The following GSG1L2 variants were observed in gnomAD, a reference collection of about 807,000 sequenced individuals.
The protein encoded by GSG1L2 is germ cell-specific gene 1-like protein 2.
Under a neutral mutation model 9.0 loss-of-function variants are expected in GSG1L2, and 15 were observed. That is an observed-to-expected ratio of 1.67 (90% CI 1.12 to 2.57). GSG1L2 has a LOEUF of 2.57. Among genes scored for constraint, GSG1L2 ranks in the 30% most tolerant of loss-of-function variants. The pLI, the probability that GSG1L2 is intolerant of heterozygous loss-of-function variation, is 0.00. For missense variants in GSG1L2, 286 were observed against 150.3 expected (o/e 1.90, Z -4.72); for synonymous variants, 127 against 57.9 (o/e 2.19, Z -5.41).
At chr17:9,819,626 C>CT (rs1203441703) in intron 1 of GSG1L2, among the ~76,000 whole-genome samples, 4 of 151,802 alleles carry the variant, frequency 2.6e-5, no homozygotes, top group South Asian at 2.1e-4. Flanking sequence ...TTGGTTAAAA[C>CT]TTTTTTTTGT....
chr17:9,805,927 C>T lies in GSG1L2; in HGVS notation c.623+1563G>A, dbSNP rs1343239959. On this transcript the variant is annotated intron_variant, in intron 4 of 4. Coordinates refer to ENST00000399363, the MANE Select transcript of GSG1L2 (RefSeq NM_001310219.2). ...AGAACATTTCTGATGTACACGTCAC[C>T]ATGGTAATGGCTGCTTGTTTTTCAG... 2.0e-5 allele frequency among the ~76,000 whole-genome samples: 3 copies of T among 152,160 alleles called. No homozygotes were observed. The East Asian group carries it at 5.8e-4, about 29-fold the overall frequency.
Position 9,808,572 on chromosome 17 carries a change from G to A in GSG1L2, c.511+258C>T, listed in dbSNP as rs563548262. On this transcript the variant is annotated intron_variant, in intron 3 of 4. Coordinates refer to ENST00000399363, the MANE Select transcript of GSG1L2 (RefSeq NM_001310219.2). The stretch of plus-strand genomic sequence containing the variant: ...GAAGTGATGTCAGCTGTCAGAGCCA[G>A]GGCACCCTCTTCCCTGGTTGTGACA... 5.3e-5 allele frequency among the ~76,000 whole-genome samples: 8 copies of A among 152,254 alleles called. No individual in the cohort carries two copies. The South Asian group carries it at 1.7e-3, about 32-fold the overall frequency.
At chr17:9,809,466 G>C (rs957058547) in intron 2 of GSG1L2, 9 of 157,380 alleles carry the variant, frequency 5.7e-5, no homozygotes, top group African/African-American at 1.4e-4. Context: ...AACCATAGAA[G>C]GGTACCTGAG....
intron 1 of GSG1L2, among the ~76,000 whole-genome samples, chr17:9,816,963 C>A (rs1283809492): frequency 1.0e-5 from 1 of 99,624 alleles, no homozygotes; most frequent in Non-Finnish European, 1.8e-5. Context: ...TGTGGGTTTG[C>A]AGAAGTGCCA....
At chr17:9,816,534 G>GTGTGTGTCTC (rs1283161173) in intron 1 of GSG1L2, among the ~76,000 whole-genome samples, 3 of 150,438 alleles carry the variant, frequency 2.0e-5, no homozygotes, top group East Asian at 3.9e-4. Flanking sequence ...GTGTCTCTGT[G>GTGTGTGTCTC]TGCACGTGCG....
intron 4 of GSG1L2, among the ~76,000 whole-genome samples, chr17:9,805,861 T>C (rs2066514404): frequency 6.6e-6 from 1 of 152,158 alleles, no homozygotes; most frequent in Non-Finnish European, 1.5e-5. Context: ...CGTCCCCATA[T>C]AGCTAAAAGC....
At chr17:9,809,163 A>G in intron 2 of GSG1L2, 181 bp from the exon 3 acceptor site, 2 of 591,184 alleles carry the variant, frequency 3.4e-6, no homozygotes, top group Non-Finnish European at 6.1e-6. Context: ...TCAGGGCTGA[A>G]AGAGACGGTT....
intron 1 of GSG1L2, among the ~76,000 whole-genome samples, chr17:9,817,197 T>C (rs1051772167): frequency 2.0e-5 from 3 of 152,188 alleles, no homozygotes; most frequent in Admixed American, 2.0e-4. Flanking sequence ...GCTCATGCCA[T>C]ATGCAGGTAG....
intron 1 of GSG1L2, among the ~76,000 whole-genome samples, chr17:9,813,452 T>C (rs1280561034): frequency 6.6e-6 from 1 of 152,246 alleles, no homozygotes; most frequent in Non-Finnish European, 1.5e-5. Flanking sequence ...ATCAGGGACC[T>C]GTCAGTCCAT....
intron 1 of GSG1L2, among the ~76,000 whole-genome samples, 182 bp downstream of exon 1, chr17:9,821,580 G>A (rs193085633): frequency 2.7e-4 from 41 of 152,282 alleles, no homozygotes; most frequent in Admixed American, 2.2e-3. Context: ...ACTTATTCAA[G>A]GATACCTAGA....
At chr17:9,805,726 A>G (rs2066513965) in intron 4 of GSG1L2, 1 of 152,338 alleles carries the variant, frequency 6.6e-6, no homozygotes, top group South Asian at 2.1e-4. Flanking sequence ...CTAGACTGCA[A>G]CGAGCCTGGA....
rs917819548 is a variant in GSG1L2 at position 9,801,070 on chromosome 17, G to C, written c.*1316C>G. On this transcript the variant is annotated 3_prime_UTR_variant, in exon 5 of 5. Transcript: ENST00000399363. Reference sequence around the variant, plus strand: ...TTTTTATGACAGTATAAGTGTTACAGTTCAGCATAAACAGATTTTTATTGG... The same window carrying C: ...TTTTTATGACAGTATAAGTGTTACACTTCAGCATAAACAGATTTTTATTGG... Among the ~76,000 whole-genome samples the C allele has an allele frequency of 6.6e-6, 1 of 152,020 alleles. No individual in the cohort carries two copies. Among genetic ancestry groups the C allele is most frequent in the Non-Finnish European group, 1.5e-5 (1 of 68,014 alleles).
At chr17:9,816,818 CTGTG>C (rs1248639540) in intron 1 of GSG1L2, among the ~76,000 whole-genome samples, 1 of 145,984 alleles carries the variant, frequency 6.9e-6, no homozygotes, top group Non-Finnish European at 1.5e-5. Flanking sequence ...TCTGTTGTAT[CTGTG>C]TGTGTCTGTG....
rs1412992803 is a variant in GSG1L2 at position 9,807,515 on chromosome 17, T to C, written c.598A>G (p.Thr200Ala). ...CAATATGACCAGCCATAGTCCCAGG[T>C]CTGAGGCTTCCAATCTTCTGGTCCA... ...NLGPEDWKPQ[T>A]WDYGWSYCLA... The change falls in exon 4 of 5, where the codon ACC becomes GCC. Residue 200 changes from threonine (T) to alanine (A), a missense_variant. Thr to Ala is a moderately conservative substitution (Grantham distance 58). Transcript: ENST00000399363. The C allele has an allele frequency of 4.3e-6, 3 of 702,880 alleles. No individual in the cohort carries two copies. In the African/African-American group the frequency reaches 5.2e-5, roughly 12 times the overall value. 43.5% of individuals were successfully genotyped at this position (702,880 alleles called of 1,614,324 possible).
intron 1 of GSG1L2, among the ~76,000 whole-genome samples, chr17:9,814,467 A>G (rs2066551752): frequency 6.6e-6 from 1 of 152,092 alleles, no homozygotes; most frequent in African/African-American, 2.4e-5. Flanking sequence ...CCCACCAGGA[A>G]TAGAGACGAG....
Position 9,816,522 on chromosome 17 carries a change from C to CTGTGTGTTTGTG in GSG1L2, c.310+5239_310+5240insCACAAACACACA, listed in dbSNP as rs1491196761. 4.6e-4 allele frequency among the ~76,000 whole-genome samples: 65 copies of CTGTGTGTTTGTG among 140,774 alleles called. 1 individual carries two copies. Among genetic ancestry groups the CTGTGTGTTTGTG allele is most frequent in the South Asian group, 1.6e-3 (7 of 4,342 alleles). The allele number at this position is 140,774 out of a possible 152,430, so 92.4% of individuals were successfully genotyped here. A position where few individuals can be genotyped will look rare whatever the true frequency, so the allele number is the denominator to read the frequency against. ...TGTGTGCCTGTCTGTGTGTGCGTGTCTGTGTCTCTGTGTGCACGTGCGTGT... is the reference window on the plus strand; with the variant it reads ...TGTGTGCCTGTCTGTGTGTGCGTGTCTGTGTGTTTGTGTGTGTCTCTGTGTGCACGTGCGTGT... On this transcript the variant is annotated intron_variant, in intron 1 of 4. Coordinates refer to ENST00000399363, the MANE Select transcript of GSG1L2 (RefSeq NM_001310219.2).
intron 4 of GSG1L2, among the ~76,000 whole-genome samples, chr17:9,803,246 G>A (rs2066504388): frequency 6.6e-6 from 1 of 152,038 alleles, no homozygotes; most frequent in Non-Finnish European, 1.5e-5. Flanking sequence ...GGGACCACAG[G>A]CATGCGCCAC....
rs570178139 is a variant in GSG1L2, at chr17:9,816,828, CTGTG to C, written c.310+4930_310+4933del. Among the ~76,000 whole-genome samples the C allele has an allele frequency of 5.6e-3, 763 of 136,500 alleles. 9 individuals are homozygous for C. Among genetic ancestry groups the C allele is most frequent in the African/African-American group, 0.022 (688 of 31,960 alleles). 89.5% of individuals were successfully genotyped at this position (136,500 alleles called of 152,430 possible). On this transcript the variant is annotated intron_variant, in intron 1 of 4. Coordinates refer to ENST00000399363, the MANE Select transcript of GSG1L2 (RefSeq NM_001310219.2). ...GTGTGTCTGTTGTATCTGTGTGTGT[CTGTG>C]TATCTGTGTGTGTTTCTGTGTATCT...
intron 2 of GSG1L2, chr17:9,809,371 G>A (rs2066529823): frequency 7.2e-6 from 2 of 277,464 alleles, no homozygotes; most frequent in Non-Finnish European, 1.4e-5. Flanking sequence ...TTCGCAGTGA[G>A]TGTTACAGCT....
Sources: allele counts gnomAD v4.1 joint callset (sites outside exome capture counted in the v4.1 genomes callset), GRCh38; gene constraint gnomAD v4.1.1; transcripts MANE v1.5; gene names NCBI Gene and HGNC (gene_info 2026-07-23, HGNC 2026-07-21).